The following THSD4 variants were observed in gnomAD, a reference collection of about 807,000 sequenced individuals.
THSD4 encodes the protein thrombospondin type-1 domain-containing protein 4.
Under a neutral mutation model 119.0 loss-of-function variants are expected in THSD4, and 69 were observed. The observed-to-expected ratio is 0.58, with a 90% CI of 0.48 to 0.71. The LOEUF is 0.71. THSD4 is among the 30% of genes least tolerant of loss of function. The pLI is 0.00. For missense variants in THSD4, 1,393 were observed against 1,391.1 expected, an observed-to-expected ratio of 1.00 and a Z score of -0.02; for synonymous variants, 524 against 540.4, an observed-to-expected ratio of 0.97 and a Z score of 0.42.
intron 8 of THSD4, among the ~76,000 whole-genome samples, chr15:71,681,496 G>A (rs575441411): frequency 6.6e-6 from 1 of 151,816 alleles, no homozygotes; most frequent in South Asian, 2.1e-4. Flanking sequence ...GGCCAACATG[G>A]GGAAATCCTA....
intron 7 of THSD4, among the ~76,000 whole-genome samples, chr15:71,584,826 A>G (rs565284768): frequency 6.6e-6 from 1 of 152,156 alleles, no homozygotes; most frequent in Admixed American, 6.5e-5. Flanking sequence ...TTGAGGTAGT[A>G]GGCTTTGATT....
Position 71,747,033 on chromosome 15 carries a change from C to T in THSD4, c.2232C>T (p.Asp744=). The T allele has an allele frequency of 1.2e-6, 2 of 1,607,440 alleles. No individual in the cohort carries two copies. Among genetic ancestry groups the T allele is most frequent in the South Asian group, 2.2e-5 (2 of 90,294 alleles). The part of the protein sequence containing the change: ...KICSEWQIRT[D]WTSCSVPCGV... Reference sequence around the variant, plus strand: ...GCAGCGAGTGGCAGATCCGGACCGACTGGACCTCGGTACGCAGGCAGGGCA... The same window carrying T: ...GCAGCGAGTGGCAGATCCGGACCGATTGGACCTCGGTACGCAGGCAGGGCA... Residue 744 remains aspartate (D), a synonymous_variant, in exon 13 of 18, where the codon GAC becomes GAT. Coordinates refer to ENST00000261862, the MANE Select transcript of THSD4 (RefSeq NM_024817.3).
intron 8 of THSD4, among the ~76,000 whole-genome samples, chr15:71,709,331 A>G (rs561734704): frequency 6.6e-6 from 1 of 152,272 alleles, no homozygotes; most frequent in South Asian, 2.1e-4. Context: ...ATGGGGGAAA[A>G]AAGGGTTTAG....
At chr15:71,739,801 G>GTT (rs11314493) in intron 11 of THSD4, among the ~76,000 whole-genome samples, 94 of 142,210 alleles carry the variant, frequency 6.6e-4, no homozygotes, top group East Asian at 3.0e-3. Context: ...GTTTGGGGTG[G>GTT]TTTTTTTTTT....
chr15:71,613,441 G>A (rs1323508400), intron 7 of THSD4, among the ~76,000 whole-genome samples: 3 of 152,108 alleles, frequency 2.0e-5, no homozygotes, highest in Non-Finnish European at 4.4e-5. Flanking sequence ...GAAGAATTAA[G>A]ACATAAATAG....
intron 7 of THSD4, among the ~76,000 whole-genome samples, chr15:71,508,571 G>C (rs555521615): frequency 3.9e-5 from 6 of 152,244 alleles, no homozygotes. Flanking sequence ...GGGTGGGGTG[G>C]TGGGGTGTTG....
At chr15:71,141,652 T>C in intron 2 of THSD4, 96 bp downstream of exon 2, 1 of 1,356,008 alleles carries the variant, frequency 7.4e-7, no homozygotes, top group South Asian at 1.4e-5. Context: ...ATCTTAAGGG[T>C]CTGCAGCTGA....
chr15:71,312,727 C>T (rs1018071271), intron 6 of THSD4, among the ~76,000 whole-genome samples: 11 of 152,202 alleles, frequency 7.2e-5, no homozygotes, highest in South Asian at 4.2e-4. Flanking sequence ...CACTCTAGCA[C>T]GACTCGGGCT....
intron 8 of THSD4, among the ~76,000 whole-genome samples, chr15:71,662,674 G>C (rs1045801441): frequency 2.6e-5 from 4 of 152,050 alleles, no homozygotes; most frequent in Admixed American, 6.6e-5. Flanking sequence ...GACATTCTGG[G>C]TGAATATCTA....
At chr15:71,522,165 T>C (rs992381851) in intron 7 of THSD4, among the ~76,000 whole-genome samples, 3 of 152,206 alleles carry the variant, frequency 2.0e-5, no homozygotes. Flanking sequence ...ACCACCTACC[T>C]GGAAAATGGC....
intron 3 of THSD4, among the ~76,000 whole-genome samples, chr15:71,202,113 C>T (rs1339213614): frequency 6.6e-6 from 1 of 152,060 alleles, no homozygotes; most frequent in Non-Finnish European, 1.5e-5. Context: ...CTCTTTCAGG[C>T]GAGACCACAC....
At chr15:71,388,661 A>AGTGTGTGTGTGTGTGTGTGTGTGT (rs748438115) in intron 6 of THSD4, among the ~76,000 whole-genome samples, 54 of 142,086 alleles carry the variant, frequency 3.8e-4, no homozygotes, top group African/African-American at 1.1e-3. Context: ...TTCTTTGGAG[A>AGTGTGTGTGTGTGTGTGTGTGTGT]GAGTGTGTGT....
At chr15:71,382,675 T>G (rs7165163) in intron 6 of THSD4, among the ~76,000 whole-genome samples, 1 of 151,934 alleles carries the variant, frequency 6.6e-6, no homozygotes. Context: ...TTTAATTACC[T>G]TATATTTATT....
rs2046061016 is a variant in THSD4, at chr15:71,372,180, C to G, written c.1016-39507C>G. On this transcript the variant is annotated intron_variant, in intron 6 of 17. Coordinates refer to ENST00000261862, the MANE Select transcript of THSD4 (RefSeq NM_024817.3). ...CTGGTTATTCTAGTTAGCCATTTGT[C>G]TAATCTTTTTTCAAGGTTTTTAGCT... is the stretch of plus-strand genomic sequence containing the variant. 2.6e-5 allele frequency among the ~76,000 whole-genome samples: 4 copies of G among 152,178 alleles called. No homozygotes were observed. The South Asian group carries it at 8.3e-4, about 32-fold the overall frequency.
At chr15:71,237,493 T>C (rs1265269275) in intron 4 of THSD4, among the ~76,000 whole-genome samples, 1 of 152,112 alleles carries the variant, frequency 6.6e-6, no homozygotes, top group Non-Finnish European at 1.5e-5. Context: ...GTGTGTTGAC[T>C]TCGAAGTGAC....
chr15:71,478,363 C>T (rs2047680815), intron 7 of THSD4, among the ~76,000 whole-genome samples: 1 of 152,138 alleles, frequency 6.6e-6, no homozygotes, highest in Non-Finnish European at 1.5e-5. Context: ...TGTAAATCTT[C>T]TTTAAAGTAG....
intron 6 of THSD4, among the ~76,000 whole-genome samples, chr15:71,380,414 T>C (rs12908092): frequency 0.16 from 23,842 of 152,048 alleles, 2,205 homozygotes; most frequent in Admixed American, 0.24. Flanking sequence ...TTTATATTCT[T>C]GCTAATCTAG....
At chr15:71,125,774 A>G (rs902500492) in intron 1 of THSD4, among the ~76,000 whole-genome samples, 2 of 152,252 alleles carry the variant, frequency 1.3e-5, no homozygotes, top group Non-Finnish European at 2.9e-5. Context: ...GAACCTCTCC[A>G]GATGGAAGAC....
intron 7 of THSD4, among the ~76,000 whole-genome samples, chr15:71,621,628 T>C (rs1454585900): frequency 6.6e-6 from 1 of 152,232 alleles, no homozygotes; most frequent in African/African-American, 2.4e-5. Flanking sequence ...TTCAATAATA[T>C]TTTCAAAAAT....
Sources: allele counts gnomAD v4.1 joint callset (sites outside exome capture counted in the v4.1 genomes callset), GRCh38; gene constraint gnomAD v4.1.1; transcripts MANE v1.5; gene names NCBI Gene and HGNC (gene_info 2026-07-23, HGNC 2026-07-21).